TBC1D5: variants seen among roughly 807,000 people sequenced by gnomAD.
The protein encoded by TBC1D5 is TBC1 domain family, member 5.
Under a neutral mutation model 100.3 loss-of-function variants are expected in TBC1D5, and 75 were observed. The ratio of observed to expected loss-of-function variants is 0.75; its 90% CI spans 0.62 to 0.91. TBC1D5 has a LOEUF of 0.91. Ranked by LOEUF, TBC1D5 falls within the 40% of genes least tolerant of loss-of-function variation. The pLI, the probability that TBC1D5 is intolerant of heterozygous loss-of-function variation, is 0.00. For missense variants in TBC1D5, 910 were observed against 942.4 expected (o/e 0.97, Z 0.45); for synonymous variants, 323 against 325.6 (o/e 0.99, Z 0.09).
At chr3:17,530,910 T>C (rs1395103704) in intron 2 of TBC1D5, among the ~76,000 whole-genome samples, 1 of 152,202 alleles carries the variant, frequency 6.6e-6, no homozygotes, top group Non-Finnish European at 1.5e-5. Flanking sequence ...AGCATTCCCT[T>C]TGAAAACTGG....
intron 3 of TBC1D5, among the ~76,000 whole-genome samples, chr3:17,478,946 A>G (rs1375318515): frequency 6.6e-6 from 1 of 152,236 alleles, no homozygotes; most frequent in Non-Finnish European, 1.5e-5. Context: ...ACCATTACCC[A>G]TAATAAATGC....
chr3:17,345,170 T>A (rs955635063), intron 13 of TBC1D5, among the ~76,000 whole-genome samples: 22 of 151,896 alleles, frequency 1.4e-4, no homozygotes, highest in Non-Finnish European at 2.9e-4. Context: ...AACCTACTCA[T>A]CTGACAAAGG....
chr3:17,710,789 C>A (rs1410876872), intron 1 of TBC1D5, among the ~76,000 whole-genome samples: 2 of 152,080 alleles, frequency 1.3e-5, no homozygotes, highest in Admixed American at 1.3e-4. Flanking sequence ...CTGCCATCTC[C>A]CAGGTTCAAG....
chr3:17,624,692 C>T (rs1324871504), intron 1 of TBC1D5, among the ~76,000 whole-genome samples: 1 of 152,050 alleles, frequency 6.6e-6, no homozygotes, highest in East Asian at 1.9e-4. Flanking sequence ...TCCTACTACT[C>T]TACAACTTAA....
chr3:17,272,844 AAACTG>A (rs2149713652), intron 15 of TBC1D5, among the ~76,000 whole-genome samples: 1 of 152,362 alleles, frequency 6.6e-6, no homozygotes, highest in South Asian at 2.1e-4. Flanking sequence ...TAAGAATGAA[AAACTG>A]AACATATTAC....
chr3:17,623,585 A>G (rs2062844787), intron 2 of TBC1D5: 1 of 152,348 alleles, frequency 6.6e-6, no homozygotes, highest in South Asian at 2.1e-4. Flanking sequence ...CTGTCTTTCC[A>G]AATGCCCATA....
intron 13 of TBC1D5, among the ~76,000 whole-genome samples, chr3:17,324,344 T>C (rs2085807889): frequency 6.6e-6 from 1 of 152,140 alleles, no homozygotes; most frequent in South Asian, 2.1e-4. Flanking sequence ...AAAGGTACCA[T>C]TAAGAAAATG....
chr3:17,494,816 T>G (rs2095685049), intron 3 of TBC1D5, among the ~76,000 whole-genome samples: 1 of 152,164 alleles, frequency 6.6e-6, no homozygotes, highest in Non-Finnish European at 1.5e-5. Context: ...TTAGGCAGTC[T>G]CCAGCCTGCT....
At chr3:17,670,225 CAG>C (rs2067783545) in intron 1 of TBC1D5, among the ~76,000 whole-genome samples, 1 of 152,156 alleles carries the variant, frequency 6.6e-6, no homozygotes, top group African/African-American at 2.4e-5. Context: ...CTGAAAAACT[CAG>C]TGAATACCAA....
intron 8 of TBC1D5, among the ~76,000 whole-genome samples, chr3:17,387,131 G>C (rs981298012): frequency 2.0e-5 from 3 of 152,020 alleles, no homozygotes; most frequent in African/African-American, 7.2e-5. Flanking sequence ...GAATAAGTAA[G>C]GTAGAAAGAT....
At chr3:17,470,627 A>G (rs1027671002) in intron 3 of TBC1D5, among the ~76,000 whole-genome samples, 3 of 152,184 alleles carry the variant, frequency 2.0e-5, no homozygotes, top group African/African-American at 7.2e-5. Context: ...TGAATTAAAA[A>G]TAAGTGATTT....
chr3:17,488,971 T>C (rs1560002277), intron 3 of TBC1D5, among the ~76,000 whole-genome samples: 1 of 150,436 alleles, frequency 6.6e-6, no homozygotes, highest in Non-Finnish European at 1.5e-5. Flanking sequence ...TGCCTGATGA[T>C]CTGATGTGGA....
At chr3:17,700,040 T>C (rs1326280548) in intron 1 of TBC1D5, 1 of 152,048 alleles carries the variant, frequency 6.6e-6, no homozygotes, top group Non-Finnish European at 1.5e-5. Flanking sequence ...CCACCCACAC[T>C]AGAGTTCTGG....
At chr3:17,192,533 A>T (rs1303167629) in intron 18 of TBC1D5, among the ~76,000 whole-genome samples, 1 of 152,202 alleles carries the variant, frequency 6.6e-6, no homozygotes, top group Admixed American at 6.5e-5. Context: ...AAGATATTTT[A>T]AAAATAAAGA....
chr3:17,430,176 C>T lies in TBC1D5; in HGVS notation c.98-1657G>A, dbSNP rs1285632457. Among the ~76,000 whole-genome samples, 6 of 151,666 alleles carry T rather than the reference C, an allele frequency of 4.0e-5. No individual in the cohort carries two copies. The East Asian group carries it at 1.2e-3, about 29-fold the overall frequency. ...CTCTGTCTTGCTAAATGAAAATTTC[C>T]TACAACACATGTTATTTAACAGCTT... On this transcript the variant is annotated intron_variant, in intron 3 of 21. Transcript: ENST00000253692.
At chr3:17,632,278 G>A (rs2063561116) in intron 1 of TBC1D5, among the ~76,000 whole-genome samples, 1 of 152,154 alleles carries the variant, frequency 6.6e-6, no homozygotes, top group African/African-American at 2.4e-5. Flanking sequence ...CTGAAGATAA[G>A]ACTTTAATTG....
At chr3:17,245,493 G>A (rs1426852542) in intron 16 of TBC1D5, among the ~76,000 whole-genome samples, 2 of 152,164 alleles carry the variant, frequency 1.3e-5, no homozygotes, top group African/African-American at 4.8e-5. Flanking sequence ...CAGCTATAAA[G>A]ATTAATTCTT....
chr3:17,487,689 T>C (rs1424696019), intron 3 of TBC1D5, among the ~76,000 whole-genome samples: 1 of 152,154 alleles, frequency 6.6e-6, no homozygotes, highest in Non-Finnish European at 1.5e-5. Context: ...ATTCAACATA[T>C]TTCAAATAAA....
chr3:17,520,025 T>C (rs1380179067), intron 2 of TBC1D5, among the ~76,000 whole-genome samples: 5 of 152,196 alleles, frequency 3.3e-5, no homozygotes, highest in Non-Finnish European at 7.4e-5. Flanking sequence ...TACAATGACA[T>C]TGAAATGTAG....
Sources: gnomAD v4.1 joint callset for allele counts (sites outside exome capture counted in the v4.1 genomes callset) on GRCh38, gnomAD v4.1.1 for gene constraint, MANE v1.5 for transcripts, NCBI Gene and HGNC (gene_info 2026-07-23, HGNC 2026-07-21) for gene names.